ARHGEF11: variants seen among roughly 807,000 people sequenced by gnomAD.
The protein encoded by ARHGEF11 is Rho guanine exchange factor (GEF) 11.
ARHGEF11 carries 55 observed loss-of-function variants against 193.7 expected under a neutral mutation model. The ratio of observed to expected loss-of-function variants is 0.28; its 90% CI spans 0.23 to 0.36. The LOEUF is 0.36. ARHGEF11 is among the 10% of genes least tolerant of loss of function. The pLI is 1.00. For missense variants in ARHGEF11, 1,723 were observed against 2,005.6 expected (o/e 0.86, Z 2.69); for synonymous variants, 693 against 768.0 (o/e 0.90, Z 1.62).
At chr1:157,031,539 T>C (rs756296860) in intron 1 of ARHGEF11, among the ~76,000 whole-genome samples, 8 of 152,154 alleles carry the variant, frequency 5.3e-5, no homozygotes, top group South Asian at 2.1e-4. Context: ...CGGACCCACA[T>C]CTGCATCTCA....
At chr1:156,941,517 C>T (rs1571151175) in intron 34 of ARHGEF11, 84 bp from the exon 35 acceptor site, 1 of 1,437,542 alleles carries the variant, frequency 7.0e-7, no homozygotes, top group Non-Finnish European at 9.6e-7. Context: ...GGAGTAGGAT[C>T]CGAGAAGGAC....
In ARHGEF11 at chr1:156,982,910, G is replaced by A. The variant is rs1399321258; in HGVS notation, c.223+1429C>T. Among the ~76,000 whole-genome samples, 17 of 152,242 alleles carry A rather than the reference G, an allele frequency of 1.1e-4. No individual in the cohort carries two copies. The East Asian group carries it at 3.1e-3, about 28-fold the overall frequency. On this transcript the variant is annotated intron_variant, in intron 3 of 40. Transcript: ENST00000368194. ...ATAAGTTTACTCCCAAATATAAGAAGCCATACTTATTTATATCCTTATATG... is the reference window on the plus strand; with the variant it reads ...ATAAGTTTACTCCCAAATATAAGAAACCATACTTATTTATATCCTTATATG...
intron 1 of ARHGEF11, among the ~76,000 whole-genome samples, chr1:157,015,035 C>T (rs756146730): frequency 1.6e-4 from 25 of 152,202 alleles, no homozygotes; most frequent in Non-Finnish European, 1.5e-5. Context: ...CATCTCCATG[C>T]ACCACACCTC....
chr1:157,038,967 C>T (rs1236704333), intron 1 of ARHGEF11, among the ~76,000 whole-genome samples: 1 of 152,108 alleles, frequency 6.6e-6, no homozygotes, highest in African/African-American at 2.4e-5. Context: ...CTGCAGTGAG[C>T]CATGATCATG....
chr1:156,995,955 ATATG>A (rs1473268470), intron 1 of ARHGEF11, among the ~76,000 whole-genome samples: 2 of 152,198 alleles, frequency 1.3e-5, no homozygotes, highest in Non-Finnish European at 2.9e-5. Flanking sequence ...TATTCAATAA[ATATG>A]TGTTGGAAGA....
At position 156,977,061 on chromosome 1, in the gene ARHGEF11, A is replaced by G. The variant is rs1357159268; in HGVS notation, c.511-7T>C. On this transcript the variant is annotated splice_region_variant and splice_polypyrimidine_tract_variant and intron_variant, in intron 6 of 40. Coordinates refer to ENST00000368194, the MANE Select transcript of ARHGEF11 (RefSeq NM_198236.3). The stretch of plus-strand genomic sequence containing the variant: ...GTTTTTGAACTTCGGGATCCTAGAC[A>G]TGGAAAATATGGCAATATAAGAGTT... 1.9e-6 allele frequency: 3 copies of G among 1,613,042 alleles called. No individual in the cohort carries two copies. Among genetic ancestry groups the G allele is most frequent in the East Asian group, 4.5e-5 (2 of 44,854 alleles).
At chr1:156,978,945 A>C (rs1276552097) in intron 5 of ARHGEF11, among the ~76,000 whole-genome samples, 2 of 152,216 alleles carry the variant, frequency 1.3e-5, no homozygotes, top group Non-Finnish European at 2.9e-5. Context: ...TTTGAGGGAG[A>C]CCTGGTCTCA....
At chr1:156,955,194 A>T (rs1307084887) in intron 20 of ARHGEF11, among the ~76,000 whole-genome samples, 1 of 152,184 alleles carries the variant, frequency 6.6e-6, no homozygotes, top group African/African-American at 2.4e-5. Flanking sequence ...CAAATGACAC[A>T]CGCTGGGAAG....
At chr1:156,954,500 C>A (rs1659651001) in intron 21 of ARHGEF11, among the ~76,000 whole-genome samples, 1 of 151,516 alleles carries the variant, frequency 6.6e-6, no homozygotes. Flanking sequence ...GATTTTTGGA[C>A]CCTCATCCTT....
intron 1 of ARHGEF11, among the ~76,000 whole-genome samples, chr1:156,999,196 A>G (rs180862496): frequency 2.6e-5 from 4 of 152,364 alleles, no homozygotes; most frequent in Non-Finnish European, 5.9e-5. Flanking sequence ...ACAGGCATTC[A>G]TTTAATCCTG....
chr1:156,947,579 T>C (rs1333624409), intron 25 of ARHGEF11, 129 bp from the exon 26 acceptor site: 1 of 1,351,736 alleles, frequency 7.4e-7, no homozygotes, highest in Non-Finnish European at 9.9e-7. Context: ...TTTCAGATCA[T>C]ACAGCAACTT....
chr1:156,939,623 G>A lies in ARHGEF11; in HGVS notation c.4021C>T (p.Pro1341Ser). ...RTRNSGIWES[P>S]ELDRNLAEDA... is the part of the protein sequence containing the mutation. ...TCAGCCAGATTCCTGTCCAGTTCTG[G>A]AGACTCCCATATCCCAGAATTTCTG... Residue 1341 changes from proline to serine, a missense_variant, in exon 37 of 41, where the codon CCA (proline) becomes TCA (serine). By Grantham distance (74) the Pro-to-Ser change is moderately conservative. This residue lies in a region of ARHGEF11 where 360 missense variants were observed against 344.4 expected (regional missense o/e 1.05). Coordinates refer to ENST00000368194, the MANE Select transcript of ARHGEF11 (RefSeq NM_198236.3). 6.2e-7 allele frequency: 1 copy of A among 1,613,666 alleles called. No individual in the cohort carries two copies. The highest frequency in any genetic ancestry group is 8.5e-7 in the Non-Finnish European group (1 of 1,180,020).
Position 156,969,526 on chromosome 1 carries a change from C to G in ARHGEF11, c.749-168G>C, listed in dbSNP as rs1166106758. On this transcript the variant is annotated intron_variant, in intron 9 of 40. Coordinates refer to ENST00000368194, the MANE Select transcript of ARHGEF11 (RefSeq NM_198236.3). ...CATGACCTCTAGACTCGGACACTTC[C>G]CGGCACACCTCCCCTCTGCTCTCAT... Among the ~76,000 whole-genome samples, 4 of 152,278 alleles carry G rather than the reference C, an allele frequency of 2.6e-5. No homozygotes were observed. In the South Asian group the frequency reaches 8.3e-4, roughly 32 times the overall value.
intron 1 of ARHGEF11, among the ~76,000 whole-genome samples, chr1:157,021,337 G>C (rs965850127): frequency 6.6e-6 from 1 of 152,128 alleles, no homozygotes; most frequent in Non-Finnish European, 1.5e-5. Flanking sequence ...CACCAAAAAA[G>C]AAAGCAGAAT....
At chr1:156,977,345 A>G (rs1485582608) in intron 6 of ARHGEF11, among the ~76,000 whole-genome samples, 1 of 152,142 alleles carries the variant, frequency 6.6e-6, no homozygotes, top group Non-Finnish European at 1.5e-5. Flanking sequence ...ACTTGTCTGC[A>G]TCTTGTCCTC....
At chr1:156,976,128 C>T (rs1231206085) in intron 7 of ARHGEF11, among the ~76,000 whole-genome samples, 1 of 152,200 alleles carries the variant, frequency 6.6e-6, no homozygotes, top group Admixed American at 6.5e-5. Flanking sequence ...CTCCAACACA[C>T]ACACACGGTA....
chr1:157,029,932 T>A (rs956492638), intron 1 of ARHGEF11, among the ~76,000 whole-genome samples: 1 of 152,050 alleles, frequency 6.6e-6, no homozygotes, highest in South Asian at 2.1e-4. Flanking sequence ...ACATGAAATG[T>A]CCAGAATAGG....
intron 32 of ARHGEF11, among the ~76,000 whole-genome samples, chr1:156,943,313 G>A (rs994481441): frequency 2.6e-5 from 4 of 152,228 alleles, no homozygotes; most frequent in African/African-American, 4.8e-5. Flanking sequence ...TGAGTGCCTC[G>A]GCCTCCCAAA....
rs766064189 is a variant in ARHGEF11 at position 156,948,642 on chromosome 1, T to C, written c.1926-144A>G. ...CCTGAACATGGCCAAAGCAGCTGGA[T>C]GGCAGTGGAAGCTTCTCAATGACAG... On this transcript the variant is annotated intron_variant, in intron 22 of 40. Transcript: ENST00000368194. The surrounding 1 kb of genome is among the most constrained non-coding windows in gnomAD (Gnocchi z 4.2). 4 of 1,568,034 alleles carry C rather than the reference T, an allele frequency of 2.6e-6. No individual in the cohort carries two copies. The highest frequency in any genetic ancestry group is 2.7e-5 in the African/African-American group (2 of 73,862).
Sources: gnomAD v4.1 joint callset for allele counts (sites outside exome capture counted in the v4.1 genomes callset) on GRCh38, gnomAD v4.1.1 for gene constraint, gnomAD v4.1.1 regional missense constraint, Gnocchi (gnomAD v3.1) non-coding constraint, MANE v1.5 for transcripts, NCBI Gene and HGNC (gene_info 2026-07-23, HGNC 2026-07-21) for gene names.